ZNF737: variants seen among roughly 807,000 people sequenced by gnomAD.
ZNF737 encodes zinc finger protein 737.
ZNF737 carries 13 observed loss-of-function variants against 11.7 expected under a neutral mutation model. The ratio of observed to expected loss-of-function variants is 1.11; its 90% CI spans 0.73 to 1.77. ZNF737 has a LOEUF of 1.77. Among genes scored for constraint, ZNF737 ranks in the 40% most tolerant of loss-of-function variants. ZNF737 has a pLI of 0.00. For synonymous variants in ZNF737, 217 were observed against 216.2 expected (o/e 1.00, Z -0.03); for missense variants, 636 against 638.0 (o/e 1.00, Z 0.03).
Position 20,540,185 on chromosome 19 carries a change from C to G in ZNF737, c.*4407G>C. On this transcript the variant is annotated 3_prime_UTR_variant, in exon 4 of 4. Coordinates refer to ENST00000427401, the MANE Select transcript of ZNF737 (RefSeq NM_001159293.2). ...CACCATAAGCAGCTTACAACATGTT[C>G]TACCTAGAAGTCACTTACTTTCAGG... is the stretch of plus-strand genomic sequence containing the variant. 1 of 984,670 alleles carries G rather than the reference C, an allele frequency of 1.0e-6. No homozygotes were observed. 61.0% of individuals were successfully genotyped at this position (984,670 alleles called of 1,614,324 possible).
chr19:20,549,620 T>C (rs897368283), intron 3 of ZNF737, among the ~76,000 whole-genome samples: 1 of 151,730 alleles, frequency 6.6e-6, no homozygotes, highest in Admixed American at 6.6e-5. Context: ...GTATGCAACA[T>C]TGAAGTATAA....
rs1011948043 is a variant in ZNF737, at chr19:20,544,815, T to G, written c.1388A>C (p.Asn463Thr). ...ATGTGCAGTAAGGTGTGAGGACGAG[T>G]TGAAGGCTTTGCCACATTCTTCACA... is the stretch of plus-strand genomic sequence containing the variant. ...YKCEECGKAF[N>T]SSSHLTAHKR... The change falls in exon 4 of 4, where the codon AAC (asparagine) becomes ACC (threonine). Residue 463 changes from asparagine to threonine, a missense_variant. Physicochemically the swap from Asn to Thr is moderately conservative, Grantham distance 65. Coordinates refer to ENST00000427401, the MANE Select transcript of ZNF737 (RefSeq NM_001159293.2). The G allele has an allele frequency of 2.6e-6, 4 of 1,566,720 alleles. No individual in the cohort carries two copies. The highest frequency in any genetic ancestry group is 1.7e-4 in the Middle Eastern group (1 of 5,776).
chr19:20,549,370 C>G (rs1555757847), intron 3 of ZNF737, among the ~76,000 whole-genome samples: 1 of 152,134 alleles, frequency 6.6e-6, no homozygotes, highest in Non-Finnish European at 1.5e-5. Flanking sequence ...TAGGTCACAT[C>G]TGTAATCCCA....
Position 20,540,123 on chromosome 19 carries a change from T to C in ZNF737, c.*4469A>G. ...GGAAGCAACATGGAGGAGGCAGAAATGATGGCAAGATACAAACATTTTTCC... is the reference window on the plus strand; with the variant it reads ...GGAAGCAACATGGAGGAGGCAGAAACGATGGCAAGATACAAACATTTTTCC... On this transcript the variant is annotated 3_prime_UTR_variant, in exon 4 of 4. Coordinates refer to ENST00000427401, the MANE Select transcript of ZNF737 (RefSeq NM_001159293.2). 1 of 985,276 alleles carries C rather than the reference T, an allele frequency of 1.0e-6. No homozygotes were observed. The highest frequency in any genetic ancestry group is 1.2e-6 in the Non-Finnish European group (1 of 829,900). 61.0% of individuals were successfully genotyped at this position (985,276 alleles called of 1,614,324 possible).
In ZNF737 at chr19:20,540,585, C is replaced by A. The variant is rs890906705; in HGVS notation, c.*4007G>T. On this transcript the variant is annotated 3_prime_UTR_variant, in exon 4 of 4. Transcript: ENST00000427401. ...ACCAGCCTGGCCAACATGATGAAAC[C>A]CTGTCTCTACTAAAAATACAAAAAT... 6.6e-6 allele frequency among the ~76,000 whole-genome samples: 1 copy of A among 152,050 alleles called. No homozygotes were observed. Among genetic ancestry groups the A allele is most frequent in the Non-Finnish European group, 1.5e-5 (1 of 68,010 alleles).
chr19:20,551,064 A>G (rs1555758217), intron 3 of ZNF737: 1 of 152,258 alleles, frequency 6.6e-6, no homozygotes, highest in Non-Finnish European at 1.5e-5. Flanking sequence ...GGGGTCCCTG[A>G]AGAGGTTCAA....
intron 1 of ZNF737, among the ~76,000 whole-genome samples, chr19:20,562,593 G>A (rs1969139542): frequency 6.6e-6 from 1 of 151,456 alleles, no homozygotes; most frequent in Admixed American, 6.6e-5. Context: ...CCCGACCTCA[G>A]GTGATCTGCC....
intron 1 of ZNF737, 22 bp downstream of exon 1, chr19:20,565,616 G>C: frequency 6.2e-7 from 1 of 1,614,184 alleles, no homozygotes. Flanking sequence ...CCTCTCTCGG[G>C]ATGTCGGACC....
chr19:20,560,600 G>T (rs1217559913), intron 1 of ZNF737, among the ~76,000 whole-genome samples: 1 of 152,008 alleles, frequency 6.6e-6, no homozygotes, highest in Non-Finnish European at 1.5e-5. Flanking sequence ...GCCCAACATG[G>T]AGAAAAGCCA....
intron 3 of ZNF737, among the ~76,000 whole-genome samples, chr19:20,551,476 A>G (rs1185263095): frequency 6.6e-6 from 1 of 151,488 alleles, no homozygotes; most frequent in Admixed American, 6.6e-5. Context: ...ATCCATTGCA[A>G]TTGAAGAAAA....
At chr19:20,548,285 A>T (rs1968530071) in intron 3 of ZNF737, among the ~76,000 whole-genome samples, 1 of 152,240 alleles carries the variant, frequency 6.6e-6, no homozygotes. Context: ...TTATAAACAT[A>T]TCAAAAAATG....
rs782025422 is a variant in ZNF737 at position 20,545,147 on chromosome 19, G to A, written c.1056C>T (p.Tyr352=). The A allele has an allele frequency of 6.2e-7, 1 of 1,610,708 alleles. No homozygotes were observed. Among genetic ancestry groups the A allele is most frequent in the South Asian group, 1.1e-5 (1 of 90,638 alleles). The change falls in exon 4 of 4, where the codon TAC becomes TAT. Residue 352 remains tyrosine (Y), a synonymous_variant. Coordinates refer to ENST00000427401, the MANE Select transcript of ZNF737 (RefSeq NM_001159293.2). ...TCTTGTGTGTAGTAAGGGATGAGAA[G>A]TACTTAAAGGCTCTGCCACATTCTT... is the stretch of plus-strand genomic sequence containing the variant. ...KCEECGRAFK[Y]FSSLTTHKII...
At chr19:20,555,731 G>C (rs1241376214) in intron 1 of ZNF737, among the ~76,000 whole-genome samples, 1 of 152,162 alleles carries the variant, frequency 6.6e-6, no homozygotes, top group African/African-American at 2.4e-5. Context: ...AACACAAGTA[G>C]AGAAGTAAAG....
In ZNF737 at chr19:20,545,901, C is replaced by T; in HGVS notation, c.302G>A (p.Arg101Lys). ...IKDSFQKVTL[R>K]RYENYGHDNL... ...GTCATGTCCATAGTTTTCATATCTT[C>T]TCAGTGTCACTTTTTGGAAAGAATC... Residue 101 changes from arginine (R) to lysine (K), a missense_variant, in exon 4 of 4, where the codon AGA becomes AAA. Physicochemically the swap from Arg to Lys is conservative, Grantham distance 26 (BLOSUM62 2). Coordinates refer to ENST00000427401, the MANE Select transcript of ZNF737 (RefSeq NM_001159293.2). 6.2e-7 allele frequency: 1 copy of T among 1,602,084 alleles called. No individual in the cohort carries two copies. Among genetic ancestry groups the T allele is most frequent in the South Asian group, 1.1e-5 (1 of 88,152 alleles).
Position 20,543,548 on chromosome 19 carries a change from T to TC in ZNF737, c.*1043dup. 2.0e-6 allele frequency: 2 copies of TC among 985,436 alleles called. No homozygotes were observed. Among genetic ancestry groups the TC allele is most frequent in the Non-Finnish European group, 1.2e-6 (1 of 829,908 alleles). 61.0% of individuals were successfully genotyped at this position (985,436 alleles called of 1,614,324 possible). On this transcript the variant is annotated 3_prime_UTR_variant, in exon 4 of 4. Coordinates refer to ENST00000427401, the MANE Select transcript of ZNF737 (RefSeq NM_001159293.2). ...ATATTCCTTCTATTTGTACAATTTT[T>TC]CTCAAGGATACTAGCTTTTCTGTGA...
At chr19:20,557,205 A>T (rs574212917) in intron 1 of ZNF737, among the ~76,000 whole-genome samples, 5 of 152,318 alleles carry the variant, frequency 3.3e-5, no homozygotes, top group African/African-American at 7.2e-5. Flanking sequence ...AAAAACTAGG[A>T]CCCTAAAATA....
Position 20,540,758 on chromosome 19 carries a change from T to C in ZNF737, c.*3834A>G. The C allele has an allele frequency of 1.1e-6, 1 of 873,346 alleles. No individual in the cohort carries two copies. Among genetic ancestry groups the C allele is most frequent in the Non-Finnish European group, 1.4e-6 (1 of 729,716 alleles). 54.1% of individuals were successfully genotyped at this position (873,346 alleles called of 1,614,324 possible). On this transcript the variant is annotated 3_prime_UTR_variant, in exon 4 of 4. Transcript: ENST00000427401. ...TGGAAGACAGAGCAACACTCCATCATGGAAAAAAAAAAAGAGTCTTTCTGC... is the reference window on the plus strand; with the variant it reads ...TGGAAGACAGAGCAACACTCCATCACGGAAAAAAAAAAAGAGTCTTTCTGC...
rs1555756912 is a variant in ZNF737, at chr19:20,545,842, C to G, written c.361G>C (p.Asp121His). 4 of 1,613,612 alleles carry G rather than the reference C, an allele frequency of 2.5e-6. No individual in the cohort carries two copies. The highest frequency in any genetic ancestry group is 1.7e-5 in the Admixed American group (1 of 59,942). Residue 121 changes from aspartate (D) to histidine (H), a missense_variant, in exon 4 of 4, where the codon GAT becomes CAT. Asp to His is a moderately conservative substitution (Grantham distance 81). Coordinates refer to ENST00000427401, the MANE Select transcript of ZNF737 (RefSeq NM_001159293.2). ...LQFKKGCESVDECKVHKRGYN... is the reference protein window; with the variant it reads ...LQFKKGCESVHECKVHKRGYN... ...CCTCTTTTGTGCACCTTACACTCAT[C>G]TACACTTTCACAGCCCTTTTTAAAC...
intron 1 of ZNF737, among the ~76,000 whole-genome samples, chr19:20,562,015 G>C (rs1199593446): frequency 1.3e-5 from 2 of 152,176 alleles, no homozygotes; most frequent in Non-Finnish European, 2.9e-5. Flanking sequence ...GAAAATATTT[G>C]TGATTAATAA....
Sources: gnomAD v4.1 joint callset for allele counts (sites outside exome capture counted in the v4.1 genomes callset) on GRCh38, gnomAD v4.1.1 for gene constraint, MANE v1.5 for transcripts, NCBI Gene and HGNC (gene_info 2026-07-23, HGNC 2026-07-21) for gene names.